The following NFXL1 variants were observed in gnomAD, a reference collection of about 807,000 sequenced individuals.
The protein encoded by NFXL1 is nuclear transcription factor, X-box binding like 1.
NFXL1 carries 66 observed loss-of-function variants against 123.3 expected under a neutral mutation model. That is an observed-to-expected ratio of 0.54 (90% confidence interval 0.44 to 0.66). The LOEUF is 0.66. NFXL1 is among the 30% of genes least tolerant of loss of function. NFXL1 has a pLI of 0.00. For synonymous variants in NFXL1, 346 were observed against 360.8 expected (o/e 0.96, Z 0.46); for missense variants, 944 against 1,125.6 (o/e 0.84, Z 2.31).
chr4:47,849,446 G>A (rs1733995001), intron 22 of NFXL1, among the ~76,000 whole-genome samples: 1 of 152,026 alleles, frequency 6.6e-6, no homozygotes, highest in African/African-American at 2.4e-5. Context: ...CTAAAACTTT[G>A]TAAATGGTTA....
intron 11 of NFXL1, among the ~76,000 whole-genome samples, chr4:47,891,048 T>A (rs914209442): frequency 6.6e-5 from 10 of 152,116 alleles, no homozygotes; most frequent in Admixed American, 1.3e-4. Flanking sequence ...TTAAAAAAAA[T>A]TTAATTAAAA....
In NFXL1 at chr4:47,878,618, T is replaced by A; in HGVS notation, c.1986A>T (p.Arg662Ser). ...GACAATCCAAGATTCTTCCACAAAC[T>A]CTTTTACAAGAGTAGGGTCCTACAG... The part of the protein sequence containing the change: ...CHAVGPYSCK[R>S]VCGRILDCQN... Residue 662 changes from arginine (R) to serine (S), a missense_variant, in exon 17 of 23, where the codon AGA becomes AGT. Around this residue, in one of 4 missense-constraint regions of NFXL1, gnomAD observed 301 missense variants for 348.0 expected, o/e 0.86. Coordinates refer to ENST00000507489, the MANE Select transcript of NFXL1 (RefSeq NM_001278624.2). The A allele has an allele frequency of 6.2e-7, 1 of 1,607,294 alleles. No individual in the cohort carries two copies. The highest frequency in any genetic ancestry group is 8.5e-7 in the Non-Finnish European group (1 of 1,176,630).
At chr4:47,866,164 A>G (rs957383514) in intron 18 of NFXL1, among the ~76,000 whole-genome samples, 1 of 152,208 alleles carries the variant, frequency 6.6e-6, no homozygotes, top group Non-Finnish European at 1.5e-5. Context: ...AAATAAGTAC[A>G]CAAGATTCAA....
intron 19 of NFXL1, among the ~76,000 whole-genome samples, chr4:47,858,000 T>TC (rs1252235490): frequency 1.3e-5 from 2 of 152,130 alleles, no homozygotes; most frequent in Non-Finnish European, 2.9e-5. Context: ...CTCCTTTTTT[T>TC]CCCATAAGTA....
rs191406417 is a variant in NFXL1 at position 47,910,185 on chromosome 4, T to A, written c.406+639A>T. 9.9e-5 allele frequency among the ~76,000 whole-genome samples: 15 copies of A among 152,018 alleles called. No homozygotes were observed. The East Asian group carries it at 2.7e-3, about 27-fold the overall frequency. Reference sequence around the variant, plus strand: ...CAAACCTGAGGAAATTTAGGTTTTTTAAAAAAAGTACGGCTAGGTGCAGTG... The same window carrying A: ...CAAACCTGAGGAAATTTAGGTTTTTAAAAAAAAGTACGGCTAGGTGCAGTG... On this transcript the variant is annotated intron_variant, in intron 3 of 22. Transcript: ENST00000507489.
intron 10 of NFXL1, among the ~76,000 whole-genome samples, chr4:47,896,319 C>A (rs115816226): frequency 0.011 from 1,696 of 152,238 alleles, 18 homozygotes; most frequent in Admixed American, 0.018. Flanking sequence ...GCAGTATTGG[C>A]AAAGCACAAT....
chr4:47,853,980 T>C (rs1560578938), intron 20 of NFXL1, among the ~76,000 whole-genome samples: 1 of 152,094 alleles, frequency 6.6e-6, no homozygotes, highest in East Asian at 1.9e-4. Flanking sequence ...GTGGGTGGCA[T>C]ATGGCACTTG....
At chr4:47,884,487 G>C (rs1736310044) in intron 14 of NFXL1, 50 bp from the exon 15 acceptor site, 1 of 1,145,364 alleles carries the variant, frequency 8.7e-7, no homozygotes, top group Non-Finnish European at 1.3e-6. Context: ...TAAATCATAT[G>C]GCCATTTTAA....
intron 18 of NFXL1, among the ~76,000 whole-genome samples, chr4:47,869,142 T>C (rs746900793): frequency 1.3e-5 from 2 of 152,140 alleles, no homozygotes; most frequent in Non-Finnish European, 2.9e-5. Context: ...GGAGGATCAC[T>C]TGAGCCCAGG....
At position 47,879,116 on chromosome 4, in the gene NFXL1, C is replaced by T; in HGVS notation, c.1918G>A (p.Glu640Lys). ...CTTACCTCATGTTTCCCAAGACATT[C>T]CCTACAAGGAAAAAATAAAATAAAA... Reference protein sequence around the residue: ...CPPCQVPIPMECLGKHEVSPL... With the variant: ...CPPCQVPIPMKCLGKHEVSPL... The change falls in exon 16 of 23, where the codon GAA (glutamate) becomes AAA (lysine). Residue 640 changes from glutamate to lysine, a missense_variant and splice_region_variant. This residue lies in a region of NFXL1 where 301 missense variants were observed against 348.0 expected (regional missense o/e 0.86). Transcript: ENST00000507489. 1 of 1,341,182 alleles carries T rather than the reference C, an allele frequency of 7.5e-7. No homozygotes were observed. Among genetic ancestry groups the T allele is most frequent in the Non-Finnish European group, 1.0e-6 (1 of 997,554 alleles). 83.1% of individuals were successfully genotyped at this position (1,341,182 alleles called of 1,614,324 possible). A position where few individuals can be genotyped will look rare whatever the true frequency, so the allele number is the denominator to read the frequency against.
chr4:47,854,908 G>T (rs1444283233), intron 20 of NFXL1, 151 bp downstream of exon 20: 3 of 386,504 alleles, frequency 7.8e-6, no homozygotes, highest in Non-Finnish European at 1.3e-5. Flanking sequence ...TAATAAAAAA[G>T]TTCTATGAAG....
chr4:47,893,451 AG>A (rs1357476575), intron 11 of NFXL1, among the ~76,000 whole-genome samples: 1 of 152,140 alleles, frequency 6.6e-6, no homozygotes, highest in Non-Finnish European at 1.5e-5. Context: ...ATAACCAGAC[AG>A]AAAAAAAGAG....
At chr4:47,903,546 TA>T (rs1737437050) in intron 4 of NFXL1, among the ~76,000 whole-genome samples, 2 of 152,288 alleles carry the variant, frequency 1.3e-5, no homozygotes, top group Non-Finnish European at 2.9e-5. Flanking sequence ...TTCATTCAGC[TA>T]GAAATAATTA....
intron 15 of NFXL1, among the ~76,000 whole-genome samples, chr4:47,879,322 CAT>C (rs1445867640): frequency 6.6e-6 from 1 of 151,990 alleles, no homozygotes; most frequent in African/African-American, 2.4e-5. Flanking sequence ...AAGTTAAAAA[CAT>C]AACACTACAT....
At chr4:47,879,217 T>C (rs1051251789) in intron 15 of NFXL1, 100 bp from the exon 16 acceptor site, 26 of 485,682 alleles carry the variant, frequency 5.4e-5, no homozygotes, top group Non-Finnish European at 8.6e-5. Flanking sequence ...TAAATACATA[T>C]GGAATAAGCA....
intron 2 of NFXL1, among the ~76,000 whole-genome samples, chr4:47,912,738 T>G (rs1487190199): frequency 5.6e-5 from 8 of 142,220 alleles, no homozygotes; most frequent in East Asian, 2.3e-4. Flanking sequence ...GATTACAGGC[T>G]TGAGCCACCG....
chr4:47,876,122 G>T (rs1052191369), intron 17 of NFXL1, among the ~76,000 whole-genome samples: 3 of 151,656 alleles, frequency 2.0e-5, no homozygotes, highest in African/African-American at 7.3e-5. Flanking sequence ...TTGACATATA[G>T]GATTAAAAAG....
At chr4:47,881,320 A>G (rs778710391) in intron 15 of NFXL1, among the ~76,000 whole-genome samples, 1 of 152,284 alleles carries the variant, frequency 6.6e-6, no homozygotes, top group Non-Finnish European at 1.5e-5. Context: ...ATAAATATGT[A>G]TAATTATTAT....
chr4:47,854,787 T>C (rs1002970552), intron 20 of NFXL1, among the ~76,000 whole-genome samples: 17 of 152,068 alleles, frequency 1.1e-4, no homozygotes, highest in African/African-American at 3.1e-4. Flanking sequence ...GGCATTGAAT[T>C]TGGTTCCAAC....
Sources: gnomAD v4.1 joint callset for allele counts (sites outside exome capture counted in the v4.1 genomes callset) on GRCh38, gnomAD v4.1.1 for gene constraint, gnomAD v4.1.1 regional missense constraint, MANE v1.5 for transcripts, NCBI Gene and HGNC (gene_info 2026-07-23, HGNC 2026-07-21) for gene names.